SECISBP2: variants seen among roughly 807,000 people sequenced by gnomAD.
SECISBP2 encodes the protein selenocysteine insertion sequence-binding protein 2.
SECISBP2 carries 96 observed loss-of-function variants against 98.2 expected under a neutral mutation model. The ratio of observed to expected loss-of-function variants is 0.98; its 90% CI spans 0.83 to 1.16. The LOEUF is 1.16. Among genes scored for constraint, SECISBP2 ranks in the 50% most tolerant of loss-of-function variants. The probability of loss-of-function intolerance (pLI) is 0.00; values close to 1 mark genes in which losing one functional copy is unlikely to be tolerated. For synonymous variants in SECISBP2, 407 were observed against 370.2 expected, an observed-to-expected ratio of 1.10 and a Z score of -1.14; for missense variants, 1,046 against 1,022.9, an observed-to-expected ratio of 1.02 and a Z score of -0.31.
chr9:89,333,498 C>CTCTGCCATCTGGCTCTGTAGA (rs1466244053), intron 6 of SECISBP2, among the ~76,000 whole-genome samples: 1 of 152,240 alleles, frequency 6.6e-6, no homozygotes, highest in Non-Finnish European at 1.5e-5. Context: ...ACTTGTGCAG[C>CTCTGCCATCTGGCTCTGTAGA]TCTGCCATCT....
In SECISBP2 at chr9:89,331,729, A is replaced by G. The variant is rs576455626; in HGVS notation, c.802-1179A>G. On this transcript the variant is annotated intron_variant, in intron 5 of 16. Transcript: ENST00000375807. Reference sequence around the variant, plus strand: ...TTGAACTTTGGTGTGTGCCTAGTGAATGATGGCTTTTGCATTTACATGGGA... The same window carrying G: ...TTGAACTTTGGTGTGTGCCTAGTGAGTGATGGCTTTTGCATTTACATGGGA... 3.8e-4 allele frequency among the ~76,000 whole-genome samples: 58 copies of G among 152,356 alleles called. 1 individual carries two copies. The South Asian group carries it at 8.7e-3, about 23-fold the overall frequency.
chr9:89,334,273 C>A (rs1031423265), intron 6 of SECISBP2: 2 of 1,090,740 alleles, frequency 1.8e-6, no homozygotes, highest in Non-Finnish European at 2.5e-6. Context: ...CACCTCCAAC[C>A]CCCAGGTTAA....
rs771820701 is a variant in SECISBP2, at chr9:89,348,093, A to T, written c.1617A>T (p.Glu539Asp). ...TAATTTTTAAGATTATTTTGAAAGA[A>T]CGGCAAGAGAGAAAGCAGCGTCTCC... Reference protein sequence around the residue: ...PTSLKKIILKERQERKQRLQE... With the variant: ...PTSLKKIILKDRQERKQRLQE... Residue 539 changes from glutamate to aspartate, a missense_variant, in exon 12 of 17, where the codon GAA becomes GAT. Glu to Asp is a conservative substitution (Grantham distance 45, BLOSUM62 2). Transcript: ENST00000375807. 6.2e-7 allele frequency: 1 copy of T among 1,613,572 alleles called. No homozygotes were observed. Among genetic ancestry groups the T allele is most frequent in the Non-Finnish European group, 8.5e-7 (1 of 1,179,454 alleles).
rs751505327 is a variant in SECISBP2, at chr9:89,339,895, C to G, written c.1244C>G (p.Ala415Gly). 8.1e-6 allele frequency: 13 copies of G among 1,613,586 alleles called. No individual in the cohort carries two copies. Among genetic ancestry groups the G allele is most frequent in the Admixed American group, 3.3e-5 (2 of 59,984 alleles). The part of the protein sequence containing the change: ...DAEEFPNLAV[A>G]SERRDRIETP... ...GAGGAATTTCCCAACCTGGCAGTTG[C>G]ATCTGAAAGAAGAGACAGAATAGAG... Residue 415 changes from alanine to glycine, a missense_variant, in exon 9 of 17, where the codon GCA becomes GGA. Physicochemically the swap from Ala to Gly is moderately conservative, Grantham distance 60. Transcript: ENST00000375807.
chr9:89,341,288 AAAAG>A, intron 9 of SECISBP2, 55 bp from the exon 10 acceptor site: 1 of 1,521,046 alleles, frequency 6.6e-7, no homozygotes. Context: ...GTTTTTTGTA[AAAAG>A]AAAAGCACAG....
At chr9:89,330,807 C>T (rs1178772104) in intron 5 of SECISBP2, among the ~76,000 whole-genome samples, 3 of 152,216 alleles carry the variant, frequency 2.0e-5, no homozygotes, top group Non-Finnish European at 4.4e-5. Context: ...CTCATGAGTG[C>T]CCTGCAGAAG....
intron 2 of SECISBP2, 32 bp downstream of exon 2, chr9:89,319,829 G>T (rs977472979): frequency 6.3e-5 from 102 of 1,610,940 alleles, no homozygotes; most frequent in Non-Finnish European, 8.5e-5. Flanking sequence ...TTACCTAGGG[G>T]CTTACATTTT....
chr9:89,326,468 C>T (rs1273198730), intron 4 of SECISBP2, among the ~76,000 whole-genome samples: 1 of 152,168 alleles, frequency 6.6e-6, no homozygotes, highest in Non-Finnish European at 1.5e-5. Context: ...TTTTATGCTA[C>T]CTGCTTCCCT....
rs780884474 is a variant in SECISBP2, at chr9:89,339,907, G to A, written c.1256G>A (p.Arg419Lys). ...FPNLAVASERRDRIETPKFQS... is the reference protein window; with the variant it reads ...FPNLAVASERKDRIETPKFQS... ...AACCTGGCAGTTGCATCTGAAAGAA[G>A]AGACAGAATAGAGACACCGAAATTT... The change falls in exon 9 of 17, where the codon AGA becomes AAA. Residue 419 changes from arginine (R) to lysine (K), a missense_variant. Arg to Lys is a conservative substitution (Grantham distance 26, BLOSUM62 2). Transcript: ENST00000375807. 2 of 1,613,880 alleles carry A rather than the reference G, an allele frequency of 1.2e-6. No individual in the cohort carries two copies. Among genetic ancestry groups the A allele is most frequent in the African/African-American group, 2.7e-5 (2 of 75,050 alleles).
At chr9:89,344,714 A>C (rs1470886847) in intron 10 of SECISBP2, among the ~76,000 whole-genome samples, 1 of 152,020 alleles carries the variant, frequency 6.6e-6, no homozygotes, top group South Asian at 2.1e-4. Context: ...CCTTCTTAGC[A>C]GTTGCTGTAG....
At chr9:89,336,708 TCTCTGGGGCTC>T (rs1828775813) in intron 7 of SECISBP2, among the ~76,000 whole-genome samples, 1 of 148,626 alleles carries the variant, frequency 6.7e-6, no homozygotes, top group Admixed American at 6.7e-5. Flanking sequence ...CTCCTGCCTG[TCTCTGGGGCTC>T]CTCTGGGTGG....
intron 2 of SECISBP2, chr9:89,324,547 A>G (rs1191597300): frequency 1.3e-5 from 2 of 152,236 alleles, no homozygotes; most frequent in African/African-American, 2.4e-5. Context: ...CATTAGAAAT[A>G]TGATTTCTAG....
chr9:89,342,685 T>A (rs578138884), intron 10 of SECISBP2, among the ~76,000 whole-genome samples: 2 of 152,324 alleles, frequency 1.3e-5, no homozygotes, highest in Admixed American at 6.5e-5. Flanking sequence ...ACAACTACTG[T>A]GTGATTCCAC....
intron 14 of SECISBP2, chr9:89,355,689 C>A (rs1831951552): frequency 5.5e-6 from 2 of 366,230 alleles, no homozygotes; most frequent in Non-Finnish European, 7.6e-6. Context: ...TCAGCCTTCC[C>A]ACTCCAGCGT....
At chr9:89,321,040 G>A (rs1825714110) in intron 2 of SECISBP2, among the ~76,000 whole-genome samples, 1 of 152,228 alleles carries the variant, frequency 6.6e-6, no homozygotes, top group Non-Finnish European at 1.5e-5. Context: ...AGGAAATACT[G>A]AAAGTTGTAT....
At position 89,339,917 on chromosome 9, in the gene SECISBP2, A is replaced by G. The variant is rs1277950613; in HGVS notation, c.1266A>G (p.Ile422Met). Residue 422 changes from isoleucine (I) to methionine (M), a missense_variant, in exon 9 of 17, where the codon ATA (isoleucine) becomes ATG (methionine). Ile to Met is a conservative substitution (Grantham distance 10). Transcript: ENST00000375807. ...TTGCATCTGAAAGAAGAGACAGAAT[A>G]GAGACACCGAAATTTCAATCTAAGC... ...LAVASERRDR[I>M]ETPKFQSKQQ... 2 of 1,613,756 alleles carry G rather than the reference A, an allele frequency of 1.2e-6. No individual in the cohort carries two copies. Among genetic ancestry groups the G allele is most frequent in the East Asian group, 2.2e-5 (1 of 44,858 alleles).
chr9:89,365,800 A>G, the SECISBP2 span: 1 of 152,260 alleles, frequency 6.6e-6, no homozygotes, highest in Non-Finnish European at 1.5e-5. Context: ...AGTAGTGGCC[A>G]GAGAGCTTTC....
At chr9:89,327,592 C>T (rs144703418) in intron 4 of SECISBP2, among the ~76,000 whole-genome samples, 6 of 152,036 alleles carry the variant, frequency 3.9e-5, no homozygotes, top group African/African-American at 7.2e-5. Context: ...TAATTAAAAA[C>T]GAAGACACAA....
chr9:89,332,657 C>T, intron 5 of SECISBP2: 1 of 516,862 alleles, frequency 1.9e-6, no homozygotes, highest in Non-Finnish European at 3.5e-6. Context: ...TTTGTGTGGA[C>T]ATAAGTTTTC....
Sources: gnomAD v4.1 joint callset for allele counts (sites outside exome capture counted in the v4.1 genomes callset) on GRCh38, gnomAD v4.1.1 for gene constraint, MANE v1.5 for transcripts, NCBI Gene and HGNC (gene_info 2026-07-23, HGNC 2026-07-21) for gene names.